Variants in ARMH1 observed in about 807,000 individuals in gnomAD.
ARMH1 encodes the protein armadillo-like helical domain containing protein 1.
A neutral mutation model predicts 50.2 loss-of-function variants in ARMH1; 34 were observed. That is an observed-to-expected ratio of 0.68 (90% CI 0.51 to 0.90). ARMH1 has a LOEUF of 0.90. Among genes scored for constraint, ARMH1 ranks in the 40% least tolerant of loss-of-function variants. The probability of loss-of-function intolerance (pLI) is 0.00; values close to 1 mark genes in which losing one functional copy is unlikely to be tolerated. For synonymous variants in ARMH1, 221 were observed against 224.2 expected, an observed-to-expected ratio of 0.99 and a Z score of 0.13; for missense variants, 538 against 553.9, an observed-to-expected ratio of 0.97 and a Z score of 0.29.
chr1:44,693,542 G>A (rs753971613), intron 2 of ARMH1, among the ~76,000 whole-genome samples: 53 of 151,922 alleles, frequency 3.5e-4, no homozygotes, highest in Non-Finnish European at 5.7e-4. Context: ...TCAACCTCCC[G>A]GGCTTAAGCC....
At chr1:44,723,447 G>A (rs183639734) in intron 6 of ARMH1, among the ~76,000 whole-genome samples, 2 of 152,284 alleles carry the variant, frequency 1.3e-5, no homozygotes, top group East Asian at 3.9e-4. Flanking sequence ...TGCAGGAAAT[G>A]CCCTCCATAA....
At chr1:44,721,594 C>T (rs191297532) in intron 6 of ARMH1, among the ~76,000 whole-genome samples, 210 of 152,094 alleles carry the variant, frequency 1.4e-3, no homozygotes, top group Middle Eastern at 3.4e-3. Flanking sequence ...CCGGGCACTA[C>T]AAAAAGTACA....
intron 5 of ARMH1, 73 bp downstream of exon 5, chr1:44,701,192 T>A (rs1310007379): frequency 3.6e-6 from 5 of 1,391,106 alleles, no homozygotes; most frequent in African/African-American, 1.5e-5. Context: ...CCGCAGTTGC[T>A]CTCCACACAG....
At chr1:44,688,498 A>G (rs976057652) in intron 1 of ARMH1, among the ~76,000 whole-genome samples, 16 of 152,242 alleles carry the variant, frequency 1.1e-4, no homozygotes, top group African/African-American at 3.9e-4. Flanking sequence ...AAGATGTAGA[A>G]GCACTTTATG....
intron 1 of ARMH1, 112 bp from the exon 2 acceptor site, chr1:44,689,564 A>G: frequency 1.2e-6 from 1 of 805,554 alleles, no homozygotes; most frequent in Non-Finnish European, 2.0e-6. Flanking sequence ...GCATAACTAC[A>G]TCCATTTGCA....
intron 6 of ARMH1, among the ~76,000 whole-genome samples, chr1:44,715,678 G>A (rs2148742471): frequency 6.6e-6 from 1 of 152,260 alleles, no homozygotes; most frequent in South Asian, 2.1e-4. Flanking sequence ...TCCTACCTCA[G>A]CCTCCTGAGT....
Position 44,724,495 on chromosome 1 carries a change from G to A in ARMH1, c.921-44G>A, listed in dbSNP as rs1300614010. On this transcript the variant is annotated intron_variant, in intron 8 of 11. Coordinates refer to ENST00000535358, the MANE Select transcript of ARMH1 (RefSeq NM_001145636.2). The surrounding 1 kb of genome is among the most constrained non-coding windows in gnomAD (Gnocchi z 6.4). The stretch of plus-strand genomic sequence containing the variant: ...CGCCGGGTGGGCGGGGGTGTGCGCC[G>A]GGTGAGCCCCAGGGCGTCGCCCCAG... 17 of 1,511,802 alleles carry A rather than the reference G, an allele frequency of 1.1e-5. No homozygotes were observed. Among genetic ancestry groups the A allele is most frequent in the Non-Finnish European group, 1.5e-5 (17 of 1,133,524 alleles). 93.6% of individuals were successfully genotyped at this position (1,511,802 alleles called of 1,614,324 possible). A position where few individuals can be genotyped will look rare whatever the true frequency, so the allele number is the denominator to read the frequency against.
At chr1:44,708,430 A>G (rs2148702157) in intron 6 of ARMH1, among the ~76,000 whole-genome samples, 1 of 152,288 alleles carries the variant, frequency 6.6e-6, no homozygotes, top group East Asian at 1.9e-4. Flanking sequence ...TATTTACTGA[A>G]TATCTGTGAT....
chr1:44,675,947 G>A (rs780870625), intron 1 of ARMH1, among the ~76,000 whole-genome samples: 48 of 152,216 alleles, frequency 3.2e-4, no homozygotes, highest in East Asian at 3.9e-4. Context: ...GTGACAGAGC[G>A]CGACTCTGTC....
At chr1:44,721,696 T>A (rs755137975) in intron 6 of ARMH1, 3 of 152,106 alleles carry the variant, frequency 2.0e-5, no homozygotes, top group Non-Finnish European at 4.4e-5. Flanking sequence ...ACCACTCCGC[T>A]ACAACCTGGG....
chr1:44,715,219 T>A (rs1343513175), intron 6 of ARMH1, among the ~76,000 whole-genome samples: 1 of 152,194 alleles, frequency 6.6e-6, no homozygotes, highest in Non-Finnish European at 1.5e-5. Flanking sequence ...GGCTCTGGGA[T>A]CAAAGAATTA....
intron 4 of ARMH1, 48 bp downstream of exon 4, chr1:44,698,277 C>T (rs182416178): frequency 1.4e-6 from 2 of 1,477,594 alleles, no homozygotes; most frequent in East Asian, 2.5e-5. Context: ...GCCTGAATGA[C>T]ATGGTGGCAG....
chr1:44,725,504 C>A lies in ARMH1; in HGVS notation c.*101C>A. On this transcript the variant is annotated 3_prime_UTR_variant, in exon 12 of 12. Coordinates refer to ENST00000535358, the MANE Select transcript of ARMH1 (RefSeq NM_001145636.2). ...AGCTCAGAGCCACTCCACTTGGCTC[C>A]AGGGGGGAGACGGGGATTAGGCATC... 1 of 1,204,536 alleles carries A rather than the reference C, an allele frequency of 8.3e-7. No individual in the cohort carries two copies. The highest frequency in any genetic ancestry group is 1.2e-6 in the Non-Finnish European group (1 of 842,216). The allele number at this position is 1,204,536 out of a possible 1,614,324, so 74.6% of individuals were successfully genotyped here.
intron 2 of ARMH1, among the ~76,000 whole-genome samples, chr1:44,690,710 T>C (rs1645631908): frequency 6.6e-6 from 1 of 152,142 alleles, no homozygotes; most frequent in African/African-American, 2.4e-5. Flanking sequence ...ACAGAGTCTC[T>C]CTCTGTGGCC....
chr1:44,725,451 C>G lies in ARMH1; in HGVS notation c.*48C>G. 2 of 1,541,518 alleles carry G rather than the reference C, an allele frequency of 1.3e-6. No homozygotes were observed. The highest frequency in any genetic ancestry group is 1.8e-6 in the Non-Finnish European group (2 of 1,138,322). On this transcript the variant is annotated 3_prime_UTR_variant, in exon 12 of 12. Coordinates refer to ENST00000535358, the MANE Select transcript of ARMH1 (RefSeq NM_001145636.2). The stretch of plus-strand genomic sequence containing the variant: ...AGGCCAAGGCTGCGGGGCAGGGAAG[C>G]CTGGCAAGAGGAAGGCGCCTGGGGT...
chr1:44,701,188 T>G, intron 5 of ARMH1, 69 bp downstream of exon 5: 3 of 1,412,010 alleles, frequency 2.1e-6, no homozygotes, highest in Middle Eastern at 2.5e-4. Flanking sequence ...CCTTCCGCAG[T>G]TGCTCTCCAC....
chr1:44,695,815 C>T (rs1445242785), intron 2 of ARMH1, among the ~76,000 whole-genome samples: 2 of 151,866 alleles, frequency 1.3e-5, no homozygotes, highest in Non-Finnish European at 2.9e-5. Context: ...TATGGTGGCA[C>T]GTGCCTGTAG....
intron 6 of ARMH1, among the ~76,000 whole-genome samples, chr1:44,710,279 G>A (rs1405712662): frequency 2.0e-5 from 3 of 152,042 alleles, no homozygotes; most frequent in Non-Finnish European, 4.4e-5. Flanking sequence ...AAGTTACTTA[G>A]GTTCCTAATT....
At chr1:44,723,633 A>C (rs1381818412) in intron 6 of ARMH1, among the ~76,000 whole-genome samples, 2 of 152,176 alleles carry the variant, frequency 1.3e-5, no homozygotes, top group African/African-American at 4.8e-5. Context: ...CTGTATGGAA[A>C]GCCTGGCACC....
Sources: allele counts gnomAD v4.1 joint callset (sites outside exome capture counted in the v4.1 genomes callset), GRCh38; gene constraint gnomAD v4.1.1; non-coding constraint Gnocchi (gnomAD v3.1); transcripts MANE v1.5; gene names NCBI Gene and HGNC (gene_info 2026-07-23, HGNC 2026-07-21).